The following GIGYF2 variants were observed in gnomAD, a reference collection of about 807,000 sequenced individuals.
GIGYF2 encodes the protein GRB10-interacting GYF protein 2.
In GIGYF2, 25 loss-of-function variants were observed where a neutral mutation model predicts 208.1. The observed-to-expected ratio is 0.12, with a 90% confidence interval of 0.09 to 0.17. GIGYF2 has a LOEUF of 0.17. Among genes scored for constraint, GIGYF2 ranks in the 10% least tolerant of loss-of-function variants. The pLI, the probability that GIGYF2 is intolerant of heterozygous loss-of-function variation, is 1.00. For missense variants in GIGYF2, 1,302 were observed against 1,579.4 expected (o/e 0.82, Z 2.98); for synonymous variants, 534 against 543.8 (o/e 0.98, Z 0.25).
In GIGYF2 at chr2:232,847,513, T is replaced by TGCCACAGCAGCAGCAGCAGCAGCC. The variant is rs770181692; in HGVS notation, c.3638_3661dup (p.Gln1213_Gln1220dup). On this transcript the variant is annotated inframe_insertion, in exon 27 of 29. Coordinates refer to ENST00000373563, the MANE Select transcript of GIGYF2 (RefSeq NM_001103146.3). ...AACCAGCAGCGTCAGCAGCAGCAGCTGCCACAGCAGCAGCAGCAGCAGCCG... is the reference window on the plus strand; with the variant it reads ...AACCAGCAGCGTCAGCAGCAGCAGCTGCCACAGCAGCAGCAGCAGCAGCCGCCACAGCAGCAGCAGCAGCAGCCG... The TGCCACAGCAGCAGCAGCAGCAGCC allele has an allele frequency of 1.1e-5, 15 of 1,365,456 alleles. No individual in the cohort carries two copies. The highest frequency in any genetic ancestry group is 5.3e-5 in the African/African-American group (3 of 57,116). The allele number at this position is 1,365,456 out of a possible 1,614,324, so 84.6% of individuals were successfully genotyped here.
At chr2:232,814,427 G>A (rs899417779) in intron 18 of GIGYF2, among the ~76,000 whole-genome samples, 1 of 151,668 alleles carries the variant, frequency 6.6e-6, no homozygotes, top group African/African-American at 2.4e-5. Context: ...GCCAGGTGTG[G>A]TGTCGGGCAC....
rs541030709 is a variant in GIGYF2, at chr2:232,708,837, T to TC, written c.-44+5349dup. Among the ~76,000 whole-genome samples, 863 of 150,390 alleles carry TC rather than the reference T, an allele frequency of 5.7e-3. 3 individuals carry two copies. The highest frequency in any genetic ancestry group is 0.02 in the African/African-American group (823 of 40,994). On this transcript the variant is annotated intron_variant, in intron 2 of 28. Coordinates refer to ENST00000373563, the MANE Select transcript of GIGYF2 (RefSeq NM_001103146.3). ...GTCTCAAAAAAAAAAAATTTTTTTT[T>TC]CTGGCCAGGTGTGGTGGCTCACACC...
chr2:232,735,846 T>C, intron 3 of GIGYF2: 1 of 985,264 alleles, frequency 1.0e-6, no homozygotes. Flanking sequence ...CTCCCCTCCT[T>C]CCTTTTTCCC....
chr2:232,772,440 G>A lies in GIGYF2; in HGVS notation c.532+11004G>A, dbSNP rs552941947. 2.0e-3 allele frequency among the ~76,000 whole-genome samples: 311 copies of A among 152,286 alleles called. 1 individual carries two copies. The highest frequency in any genetic ancestry group is 7.1e-3 in the African/African-American group (296 of 41,574). On this transcript the variant is annotated intron_variant, in intron 8 of 28. Transcript: ENST00000373563. Reference sequence around the variant, plus strand: ...GTAAGTAAACTAGAAGAAAAAGGTTGAATAGTTCAATGAACTAAAATAATC... The same window carrying A: ...GTAAGTAAACTAGAAGAAAAAGGTTAAATAGTTCAATGAACTAAAATAATC...
chr2:232,839,838 T>G lies in GIGYF2; in HGVS notation c.2767-11T>G. The G allele has an allele frequency of 5.6e-6, 9 of 1,613,558 alleles. No homozygotes were observed. The highest frequency in any genetic ancestry group is 2.2e-5 in the South Asian group (2 of 91,070). On this transcript the variant is annotated splice_polypyrimidine_tract_variant and intron_variant, in intron 22 of 28. Transcript: ENST00000373563. ...TCCTCATGAACTTTCTGGCCTTCCC[T>G]TTTTTGTTAGCTTCCTTCTTCTTCA...
chr2:232,726,318 G>A (rs1033203393), intron 2 of GIGYF2, among the ~76,000 whole-genome samples: 4 of 146,968 alleles, frequency 2.7e-5, no homozygotes, highest in East Asian at 2.0e-4. Context: ...GCAGTGAGCC[G>A]CTGTCGCACC....
rs1435089796 is a variant in GIGYF2 at position 232,857,008 on chromosome 2, T to C, written c.*148T>C. The C allele has an allele frequency of 4.2e-6, 3 of 721,658 alleles. No individual in the cohort carries two copies. In the African/African-American group the frequency reaches 5.2e-5, roughly 13 times the overall value. The allele number at this position is 721,658 out of a possible 1,614,324, so 44.7% of individuals were successfully genotyped here. A position where few individuals can be genotyped will look rare whatever the true frequency, so the allele number is the denominator to read the frequency against. On this transcript the variant is annotated 3_prime_UTR_variant, in exon 29 of 29. Coordinates refer to ENST00000373563, the MANE Select transcript of GIGYF2 (RefSeq NM_001103146.3). ...TCTCAGGCTTTTTCTTCTGGCCCTT[T>C]GTGTCCAAGATTCTTTAATCCATTT...
At chr2:232,730,897 C>CAAAAAA (rs34491260) in intron 2 of GIGYF2, among the ~76,000 whole-genome samples, 15 of 51,568 alleles carry the variant, frequency 2.9e-4, no homozygotes, top group South Asian at 1.9e-3. Context: ...GACTCCGTCT[C>CAAAAAA]AAAAAAAAAA....
At chr2:232,736,142 G>A in intron 3 of GIGYF2, 1 of 976,270 alleles carries the variant, frequency 1.0e-6, no homozygotes, top group Non-Finnish European at 1.2e-6. Flanking sequence ...TTTATAGCCA[G>A]CATTTGGAGA....
intron 13 of GIGYF2, among the ~76,000 whole-genome samples, 172 bp downstream of exon 13, chr2:232,795,116 A>G (rs760066793): frequency 1.3e-5 from 2 of 152,204 alleles, no homozygotes; most frequent in Non-Finnish European, 2.9e-5. Flanking sequence ...TTTCATGCTT[A>G]TAAGTTTCTG....
Position 232,697,362 on chromosome 2 carries a change from G to C in GIGYF2, c.-140G>C, listed in dbSNP as rs967856873. On this transcript the variant is annotated 5_prime_UTR_variant, in exon 1 of 29. Coordinates refer to ENST00000373563, the MANE Select transcript of GIGYF2 (RefSeq NM_001103146.3). ...TGTTGTTGAGGCTGAGGACTGACTG[G>C]GGTTCTGAGACTCCCTGTCCCGGAC... The C allele has an allele frequency of 5.2e-5, 8 of 152,402 alleles. No individual in the cohort carries two copies. Among genetic ancestry groups the C allele is most frequent in the African/African-American group, 1.9e-4 (8 of 41,456 alleles). The allele number at this position is 152,402 out of a possible 1,614,324, so 9.4% of individuals were successfully genotyped here. A position where few individuals can be genotyped will look rare whatever the true frequency, so the allele number is the denominator to read the frequency against.
At chr2:232,831,870 T>G (rs1029696932) in intron 21 of GIGYF2, among the ~76,000 whole-genome samples, 2 of 152,138 alleles carry the variant, frequency 1.3e-5, no homozygotes, top group Non-Finnish European at 2.9e-5. Context: ...TCCTTAGAGG[T>G]CTCCCAGTAG....
chr2:232,765,071 A>C (rs1387625481), intron 8 of GIGYF2, among the ~76,000 whole-genome samples: 1 of 152,224 alleles, frequency 6.6e-6, no homozygotes, highest in East Asian at 1.9e-4. Flanking sequence ...ATATCATGGT[A>C]ATTTCCACAT....
intron 2 of GIGYF2, chr2:232,729,548 T>C: frequency 1.4e-6 from 2 of 1,386,036 alleles, no homozygotes; most frequent in Admixed American, 2.1e-5. Context: ...AGCAGCCACA[T>C]CCATGGACTG....
chr2:232,849,257 C>T (rs547767076), intron 27 of GIGYF2, among the ~76,000 whole-genome samples: 97 of 152,166 alleles, frequency 6.4e-4, no homozygotes, highest in Non-Finnish European at 1.1e-3. Flanking sequence ...CTCCAACTCC[C>T]GGGTTCAAGC....
chr2:232,833,169 G>A lies in GIGYF2; in HGVS notation c.2766+76G>A, dbSNP rs557874025. ...TAGGTAGGTGCTGGCTGTACCAGTAGCAGTAAAACTGTTCTTTCTTTCTTT... is the reference window on the plus strand; with the variant it reads ...TAGGTAGGTGCTGGCTGTACCAGTAACAGTAAAACTGTTCTTTCTTTCTTT... On this transcript the variant is annotated intron_variant, in intron 22 of 28. Coordinates refer to ENST00000373563, the MANE Select transcript of GIGYF2 (RefSeq NM_001103146.3). 6.5e-5 allele frequency: 52 copies of A among 797,294 alleles called. 2 individuals are homozygous for A. In the South Asian group the frequency reaches 8.8e-4, roughly 14 times the overall value. The allele number at this position is 797,294 out of a possible 1,614,324, so 49.4% of individuals were successfully genotyped here. A position where few individuals can be genotyped will look rare whatever the true frequency, so the allele number is the denominator to read the frequency against.
chr2:232,716,831 G>A (rs555005778), intron 2 of GIGYF2, among the ~76,000 whole-genome samples: 2 of 151,376 alleles, frequency 1.3e-5, no homozygotes, highest in South Asian at 2.1e-4. Flanking sequence ...TTTGATACAG[G>A]GTCTCACTTT....
At position 232,847,378 on chromosome 2, in the gene GIGYF2, T is replaced by A; in HGVS notation, c.3491T>A (p.Val1164Glu). ...ACATTTGTTTCTTTCCTGAAAGAAG[T>A]AGAATCTCCTTATGAGGTCCATGAT... ...VPTFVSFLKE[V>E]ESPYEVHDYI... Residue 1164 changes from valine to glutamate, a missense_variant, in exon 27 of 29, where the codon GTA (valine) becomes GAA (glutamate). Transcript: ENST00000373563. The A allele has an allele frequency of 6.2e-7, 1 of 1,611,112 alleles. No individual in the cohort carries two copies. The highest frequency in any genetic ancestry group is 1.1e-5 in the South Asian group (1 of 91,050).
intron 8 of GIGYF2, among the ~76,000 whole-genome samples, chr2:232,772,010 G>A (rs938368092): frequency 3.3e-5 from 5 of 152,062 alleles, no homozygotes; most frequent in African/African-American, 1.2e-4. Flanking sequence ...TTAGAGACAG[G>A]GTCTTGCTCT....
Sources: allele counts gnomAD v4.1 joint callset (sites outside exome capture counted in the v4.1 genomes callset), GRCh38; gene constraint gnomAD v4.1.1; transcripts MANE v1.5; gene names NCBI Gene and HGNC (gene_info 2026-07-23, HGNC 2026-07-21).